The following PANK1 variants were observed in gnomAD, a reference collection of about 807,000 sequenced individuals.
The protein encoded by PANK1 is pantothenic acid kinase 1.
Under a neutral mutation model 40.1 loss-of-function variants are expected in PANK1, and 18 were observed. The ratio of observed to expected loss-of-function variants is 0.45; its 90% CI spans 0.31 to 0.67. PANK1 has a LOEUF of 0.67. Among genes scored for constraint, PANK1 ranks in the 30% least tolerant of loss-of-function variants. PANK1 has a pLI of 0.06. For missense variants in PANK1, 457 were observed against 599.6 expected (o/e 0.76, Z 2.48); for synonymous variants, 242 against 237.7 (o/e 1.02, Z -0.17).
chr10:89,618,290 G>C (rs1845380593), intron 1 of PANK1, among the ~76,000 whole-genome samples: 1 of 152,170 alleles, frequency 6.6e-6, no homozygotes, highest in South Asian at 2.1e-4. Context: ...TCCAATCTTT[G>C]TTTCACCATT....
chr10:89,625,857 G>C (rs1845645995), intron 1 of PANK1: 1 of 152,236 alleles, frequency 6.6e-6, no homozygotes, highest in Admixed American at 6.5e-5. Flanking sequence ...GATGAAGCTA[G>C]AGATGAGGAG....
intron 2 of PANK1, among the ~76,000 whole-genome samples, chr10:89,606,466 G>A (rs758542942): frequency 6.6e-6 from 1 of 152,110 alleles, no homozygotes; most frequent in African/African-American, 2.4e-5. Context: ...TTAATGTTAT[G>A]GACATGGCTT....
At chr10:89,611,122 T>A (rs1589788555) in intron 2 of PANK1, among the ~76,000 whole-genome samples, 1 of 152,226 alleles carries the variant, frequency 6.6e-6, no homozygotes, top group Non-Finnish European at 1.5e-5. Flanking sequence ...CCTTACTATA[T>A]AAAATTATAC....
rs1844710263 is a variant in PANK1, at chr10:89,599,470, C to T, written c.681G>A (p.Leu227=). The change falls in exon 3 of 7, where the codon CTG becomes CTA. Residue 227 remains leucine, a synonymous_variant. Transcript: ENST00000307534. ...ADLQLHKLDE[L]DCLIQGLLYV... ...AAAGCAGGCCCTGAATCAGACAGTC[C>T]AGTTCATCCAGTTTATGCAGCTGCA... The T allele has an allele frequency of 3.7e-6, 6 of 1,613,692 alleles. No homozygotes were observed. In the Admixed American group the frequency reaches 5.0e-5, roughly 13 times the overall value.
chr10:89,635,954 C>A (rs962486857), intron 1 of PANK1, among the ~76,000 whole-genome samples: 2 of 152,224 alleles, frequency 1.3e-5, no homozygotes, highest in Admixed American at 1.3e-4. Context: ...CATCTGGGAA[C>A]ACTGGAGCAG....
At position 89,588,744 on chromosome 10, in the gene PANK1, G is replaced by T; in HGVS notation, c.1234C>A (p.Leu412Ile). The change falls in exon 6 of 7, where the codon CTC becomes ATC. Residue 412 changes from leucine (L) to isoleucine (I), a missense_variant. Leu to Ile is a conservative substitution (Grantham distance 5). Around this residue, in one of 4 missense-constraint regions of PANK1, gnomAD observed 286 missense variants for 415.8 expected, o/e 0.69. Transcript: ENST00000307534. ...TTCATGGAGACCATATTGATTCTGA[G>T]AAAATTTCCAACAAACACAACTCTG... ...IDRVVFVGNF[L>I]RINMVSMKLL... The T allele has an allele frequency of 6.2e-7, 1 of 1,602,706 alleles. No homozygotes were observed. The highest frequency in any genetic ancestry group is 8.5e-7 in the Non-Finnish European group (1 of 1,174,576).
chr10:89,645,152 C>T lies in PANK1; in HGVS notation c.-261G>A, dbSNP rs1417070089. ...GCCCCGGGCGCGGAATCGGGGATCC[C>T]CGCGCACCCCCAGCCGGGGCTCCCG... is the stretch of plus-strand genomic sequence containing the variant. On this transcript the variant is annotated 5_prime_UTR_variant, in exon 1 of 7. Transcript: ENST00000307534. 1.3e-6 allele frequency: 2 copies of T among 1,526,420 alleles called. No individual in the cohort carries two copies. Among genetic ancestry groups the T allele is most frequent in the Admixed American group, 2.1e-5 (1 of 47,320 alleles). The allele number at this position is 1,526,420 out of a possible 1,614,324, so 94.6% of individuals were successfully genotyped here. A position where few individuals can be genotyped will look rare whatever the true frequency, so the allele number is the denominator to read the frequency against.
In PANK1 at chr10:89,595,873, T is replaced by TATATATATATATAA. The variant is rs781450193; in HGVS notation, c.900-1885_900-1884insTTATATATATATAT. ...ATATATATATATATATATATATATA[T>TATATATATATATAA]AACTTCATTTACTAATATATATATG... On this transcript the variant is annotated intron_variant, in intron 3 of 6. Transcript: ENST00000307534. Among the ~76,000 whole-genome samples, 107 of 81,390 alleles carry TATATATATATATAA rather than the reference T, an allele frequency of 1.3e-3. 3 individuals are homozygous for TATATATATATATAA. Among genetic ancestry groups the TATATATATATATAA allele is most frequent in the African/African-American group, 2.6e-3 (47 of 18,404 alleles). 53.4% of individuals were successfully genotyped at this position (81,390 alleles called of 152,430 possible).
chr10:89,643,939 C>G (rs1253073537), intron 1 of PANK1: 1 of 1,222,522 alleles, frequency 8.2e-7, no homozygotes, highest in Admixed American at 3.1e-5. Context: ...CAACCTCCCC[C>G]TTCGTTGAAA....
At chr10:89,637,463 C>T (rs1029376227) in intron 1 of PANK1, among the ~76,000 whole-genome samples, 1 of 152,192 alleles carries the variant, frequency 6.6e-6, no homozygotes, top group Non-Finnish European at 1.5e-5. Context: ...TAAACCTGTA[C>T]AGCATGTTAC....
chr10:89,631,986 TTA>T lies in PANK1; in HGVS notation c.292+12612_292+12613del, dbSNP rs1491183073. On this transcript the variant is annotated intron_variant, in intron 1 of 6. Coordinates refer to ENST00000307534, the MANE Select transcript of PANK1 (RefSeq NM_148977.3). ...TGTGTGTGTGTGTGTGTTTTTTTTT[TTA>T]AAAAGGGTTCTTTTCTTTTGGAAAT... Among the ~76,000 whole-genome samples the T allele has an allele frequency of 7.4e-5, 11 of 148,144 alleles. No individual in the cohort carries two copies. The East Asian group carries it at 1.2e-3, about 16-fold the overall frequency.
At position 89,588,676 on chromosome 10, in the gene PANK1, C is replaced by T. The variant is rs936342914; in HGVS notation, c.1302G>A (p.Leu434=). The T allele has an allele frequency of 6.2e-7, 1 of 1,604,312 alleles. No individual in the cohort carries two copies. The highest frequency in any genetic ancestry group is 8.5e-7 in the Non-Finnish European group (1 of 1,176,186). ...CCTCATGTTCCAAAAACAGAGCTTT[C>T]AGTTGTCCTTTGGACCAAAAATCCA... The part of the protein sequence containing the change: ...YAMDFWSKGQ[L]KALFLEHEGY... The change falls in exon 6 of 7, where the codon CTG becomes CTA. Residue 434 remains leucine (L), a synonymous_variant. Coordinates refer to ENST00000307534, the MANE Select transcript of PANK1 (RefSeq NM_148977.3).
At chr10:89,601,709 T>A (rs1844791597) in intron 2 of PANK1, among the ~76,000 whole-genome samples, 1 of 152,242 alleles carries the variant, frequency 6.6e-6, no homozygotes, top group South Asian at 2.1e-4. Context: ...TGACCCATGG[T>A]GCTAAGTAAA....
rs1359984959 is a variant in PANK1, at chr10:89,588,655, A to G, written c.1323T>C (p.His441=). 2 of 1,599,860 alleles carry G rather than the reference A, an allele frequency of 1.3e-6. No homozygotes were observed. The highest frequency in any genetic ancestry group is 1.7e-5 in the Admixed American group (1 of 57,602). Residue 441 remains histidine (H), a synonymous_variant, in exon 6 of 7, where the codon CAT becomes CAC. Coordinates refer to ENST00000307534, the MANE Select transcript of PANK1 (RefSeq NM_148977.3). Reference sequence around the variant, plus strand: ...AGTCTATGCAAGCTCAACCTACCTCATGTTCCAAAAACAGAGCTTTCAGTT... The same window carrying G: ...AGTCTATGCAAGCTCAACCTACCTCGTGTTCCAAAAACAGAGCTTTCAGTT... ...KGQLKALFLE[H]EGYFGAVGAL... is the part of the protein sequence containing the mutation.
intron 1 of PANK1, among the ~76,000 whole-genome samples, chr10:89,624,160 A>G (rs1022638454): frequency 6.6e-6 from 1 of 152,188 alleles, no homozygotes; most frequent in African/African-American, 2.4e-5. Context: ...AGGCATGTAG[A>G]AGTATTATCA....
rs1385325010 is a variant in PANK1 at position 89,644,807 on chromosome 10, C to G, written c.85G>C (p.Gly29Arg). 1.1e-5 allele frequency: 16 copies of G among 1,461,682 alleles called. No homozygotes were observed. Among genetic ancestry groups the G allele is most frequent in the South Asian group, 4.2e-5 (3 of 70,850 alleles). 90.5% of individuals were successfully genotyped at this position (1,461,682 alleles called of 1,614,324 possible). A position where few individuals can be genotyped will look rare whatever the true frequency, so the allele number is the denominator to read the frequency against. The change falls in exon 1 of 7, where the codon GGG (glycine) becomes CGG (arginine). Residue 29 changes from glycine (G) to arginine (R), a missense_variant. By Grantham distance (125) the Gly-to-Arg change is moderately radical. This residue lies in a region of PANK1 where 144 missense variants were observed against 131.2 expected (regional missense o/e 1.10). Coordinates refer to ENST00000307534, the MANE Select transcript of PANK1 (RefSeq NM_148977.3). ...PVGTSAAAVN[G>R]LLHNGFHPPP... ...GGATGGAAGCCGTTGTGCAGCAGCC[C>G]GTTCACAGCGGCGGCGCTGGTGCCC...
chr10:89,591,999 G>A (rs1264010376), intron 5 of PANK1, among the ~76,000 whole-genome samples: 1 of 152,150 alleles, frequency 6.6e-6, no homozygotes, highest in East Asian at 1.9e-4. Flanking sequence ...CACACATATT[G>A]GTCTTGGGGC....
intron 1 of PANK1, among the ~76,000 whole-genome samples, chr10:89,642,466 C>T (rs61853458): frequency 0.022 from 3,339 of 152,328 alleles, 54 homozygotes; most frequent in Middle Eastern, 0.078. Context: ...TCGCCACCAG[C>T]ACACACTAAA....
chr10:89,609,859 G>A (rs1341601346), intron 2 of PANK1, among the ~76,000 whole-genome samples: 5 of 152,232 alleles, frequency 3.3e-5, no homozygotes, highest in Admixed American at 1.3e-4. Context: ...CACATATTGA[G>A]TAACTTTCTC....
Sources: gnomAD v4.1 joint callset for allele counts (sites outside exome capture counted in the v4.1 genomes callset) on GRCh38, gnomAD v4.1.1 for gene constraint, gnomAD v4.1.1 regional missense constraint, MANE v1.5 for transcripts, NCBI Gene and HGNC (gene_info 2026-07-23, HGNC 2026-07-21) for gene names.